MXRA5: variants seen among roughly 807,000 people sequenced by gnomAD.
The protein encoded by MXRA5 is matrix remodeling associated 5, also known as matrix-remodeling-associated protein 5.
A neutral mutation model predicts 112.5 loss-of-function variants in MXRA5; 41 were observed. The ratio of observed to expected loss-of-function variants is 0.36; its 90% CI spans 0.28 to 0.47. The LOEUF (loss-of-function observed/expected upper bound fraction) is 0.47. Ranked by LOEUF, MXRA5 falls within the 20% of genes least tolerant of loss-of-function variation. The pLI, the probability that MXRA5 is intolerant of heterozygous loss-of-function variation, is 0.99. For synonymous variants in MXRA5, 862 were observed against 900.8 expected (o/e 0.96, Z 0.77); for missense variants, 2,150 against 2,251.0 (o/e 0.96, Z 0.91).
chrX:3,308,720 G>A lies in MXRA5; in HGVS notation c.*996C>T, dbSNP rs1920961917. 8.9e-6 allele frequency: 1 copy of A among 111,799 alleles called. No homozygotes were observed. The highest frequency in any genetic ancestry group is 9.5e-5 in the Admixed American group (1 of 10,516). 9.2% of individuals were successfully genotyped at this position (111,799 alleles called of 1,213,427 possible). On this transcript the variant is annotated 3_prime_UTR_variant, in exon 7 of 7. Coordinates refer to ENST00000217939, the MANE Select transcript of MXRA5 (RefSeq NM_015419.4). Reference sequence around the variant, plus strand: ...CAGCCACCTTAGACCAGATGGACAAGCCAGATACTGCAGAGAAGTTTCTGG... The same window carrying A: ...CAGCCACCTTAGACCAGATGGACAAACCAGATACTGCAGAGAAGTTTCTGG...
chrX:3,311,343 G>T lies in MXRA5; in HGVS notation c.6860C>A (p.Ser2287Tyr). ...ACCGCTGTCATCCGACTGCATGAAG[G>T]AGTTCACCAGACTCCCGTCTGGGAG... ...WSLPDGSLVNSFMQSDDSGGR... is the reference protein window; with the variant it reads ...WSLPDGSLVNYFMQSDDSGGR... The change falls in exon 7 of 7, where the codon TCC (serine) becomes TAC (tyrosine). Residue 2287 changes from serine to tyrosine, a missense_variant. Ser to Tyr is a moderately radical substitution (Grantham distance 144, BLOSUM62 -2). Coordinates refer to ENST00000217939, the MANE Select transcript of MXRA5 (RefSeq NM_015419.4). 8.3e-7 allele frequency: 1 copy of T among 1,210,304 alleles called. No individual in the cohort carries two copies. The highest frequency in any genetic ancestry group is 1.1e-6 in the Non-Finnish European group (1 of 895,334).
In MXRA5 at chrX:3,323,736, C is replaced by A. The variant is rs868382462; in HGVS notation, c.1949G>T (p.Arg650Ile). The A allele has an allele frequency of 2.5e-6, 3 of 1,211,833 alleles. No homozygotes were observed. The Admixed American group carries it at 6.5e-5, about 26-fold the overall frequency. The change falls in exon 5 of 7, where the codon AGA becomes ATA. Residue 650 changes from arginine to isoleucine, a missense_variant. Transcript: ENST00000217939. ...KVQVSDSGYY[R>I]CVAVNQQGAD... is the part of the protein sequence containing the mutation. ...CCCTTGCTGGTTGACAGCCACACAT[C>A]TGTAGTAACCACTGTCACTGACTTG...
In MXRA5 at chrX:3,335,034, C is replaced by T. The variant is rs1464103182; in HGVS notation, c.189-4261G>A. ...ACTGTGTATTCTTGGATGCATTCAG[C>T]GTCGTTCAGAGTCTCCTCTCCTCTA... is the stretch of plus-strand genomic sequence containing the variant. On this transcript the variant is annotated intron_variant, in intron 2 of 6. Transcript: ENST00000217939. 2.7e-5 allele frequency among the ~76,000 whole-genome samples: 3 copies of T among 111,461 alleles called. No homozygotes were observed. The South Asian group carries it at 1.1e-3, about 43-fold the overall frequency.
intron 2 of MXRA5, among the ~76,000 whole-genome samples, chrX:3,331,908 A>T (rs183831218): frequency 1.7e-3 from 191 of 112,301 alleles, no homozygotes; most frequent in Non-Finnish European, 2.6e-3. Context: ...TTCTGCTGAG[A>T]CATAACACAT....
rs367874892 is a variant in MXRA5 at position 3,330,107 on chromosome X, G to A, written c.620C>T (p.Pro207Leu). ...TLPASMLRNM[P>L]LLENLYLQGN... ...CTGCAAGTAAAGATTCTCCAGAAGC[G>A]GCATGTTCCGAAGCATGCTGGCAGG... Residue 207 changes from proline (P) to leucine (L), a missense_variant, in exon 4 of 7, where the codon CCG becomes CTG. This residue lies in a region of MXRA5 where 386 missense variants were observed against 411.0 expected (regional missense o/e 0.94). Transcript: ENST00000217939. 14 of 1,209,516 alleles carry A rather than the reference G, an allele frequency of 1.2e-5. No individual in the cohort carries two copies. In the South Asian group the frequency reaches 1.4e-4, roughly 12 times the overall value.
chrX:3,313,163 C>T (rs1273142287), intron 6 of MXRA5, among the ~76,000 whole-genome samples: 1 of 112,641 alleles, frequency 8.9e-6, no homozygotes, highest in African/African-American at 3.2e-5. Context: ...TGACCCCTAG[C>T]CCAGTTGTCA....
chrX:3,335,711 T>C (rs1281872899), intron 2 of MXRA5, among the ~76,000 whole-genome samples: 4 of 112,238 alleles, frequency 3.6e-5, no homozygotes, highest in Admixed American at 9.4e-5. Flanking sequence ...TAAATGTACA[T>C]TTCAGAAATG....
intron 2 of MXRA5, among the ~76,000 whole-genome samples, chrX:3,335,909 C>G (rs1179115805): frequency 1.8e-5 from 2 of 112,330 alleles, no homozygotes; most frequent in African/African-American, 6.5e-5. Context: ...AGAAGCCCTA[C>G]AGGTCACGTA....
At chrX:3,315,385 G>A (rs1236185400) in intron 6 of MXRA5, among the ~76,000 whole-genome samples, 4 of 38,135 alleles carry the variant, frequency 1.0e-4, no homozygotes, top group African/African-American at 7.2e-4. Context: ...TAGATAGATA[G>A]ATAGATGATA....
At chrX:3,341,185 A>AT (rs1370311966) in intron 2 of MXRA5, among the ~76,000 whole-genome samples, 1 of 14,196 alleles carries the variant, frequency 7.0e-5, no homozygotes, top group Non-Finnish European at 1.9e-4. Flanking sequence ...AATATATATA[A>AT]TATATAATTA....
chrX:3,329,308 G>T (rs111213477), intron 4 of MXRA5, among the ~76,000 whole-genome samples: 8 of 36,116 alleles, frequency 2.2e-4, no homozygotes, highest in East Asian at 6.6e-4. Flanking sequence ...AAGGAAGGAA[G>T]GAAGGAAAAA....
In MXRA5 at chrX:3,310,125, T is replaced by C. The variant is rs760373422; in HGVS notation, c.8078A>G (p.Asn2693Ser). 7 of 1,211,531 alleles carry C rather than the reference T, an allele frequency of 5.8e-6. No homozygotes were observed. Among genetic ancestry groups the C allele is most frequent in the South Asian group, 3.5e-5 (2 of 56,960 alleles). Residue 2693 changes from asparagine (N) to serine (S), a missense_variant, in exon 7 of 7, where the codon AAT (asparagine) becomes AGT (serine). This residue lies in a region of MXRA5 where 178 missense variants were observed against 198.2 expected (regional missense o/e 0.90). Transcript: ENST00000217939. ...QTLGRVSLLDNGTLTVREASV... is the reference protein window; with the variant it reads ...QTLGRVSLLDSGTLTVREASV... ...GGCCTCACGAACCGTGAGGGTGCCATTGTCCAGAAGAGAAACGCGTCCCAG... is the reference window on the plus strand; with the variant it reads ...GGCCTCACGAACCGTGAGGGTGCCACTGTCCAGAAGAGAAACGCGTCCCAG...
rs946159288 is a variant in MXRA5 at position 3,339,503 on chromosome X, T to G, written c.188+4143A>C. Among the ~76,000 whole-genome samples, 12 of 110,770 alleles carry G rather than the reference T, an allele frequency of 1.1e-4. 1 individual carries two copies. The highest frequency in any genetic ancestry group is 8.7e-4 in the Admixed American group (9 of 10,328). ...GGATGGTCTCGATCTCCTGACCTCG[T>G]GATCCACCCGCCTCAGCCTCCCAAA... On this transcript the variant is annotated intron_variant, in intron 2 of 6. Coordinates refer to ENST00000217939, the MANE Select transcript of MXRA5 (RefSeq NM_015419.4).
intron 4 of MXRA5, among the ~76,000 whole-genome samples, chrX:3,328,006 G>A (rs1180151039): frequency 1.8e-5 from 2 of 112,552 alleles, no homozygotes; most frequent in Non-Finnish European, 3.8e-5. Flanking sequence ...AGTTTTGTGG[G>A]TCCACATCCA....
At position 3,320,673 on chromosome X, in the gene MXRA5, G is replaced by A. The variant is rs751478479; in HGVS notation, c.5012C>T (p.Thr1671Ile). Residue 1671 changes from threonine to isoleucine, a missense_variant, in exon 5 of 7, where the codon ACA (threonine) becomes ATA (isoleucine). By Grantham distance (89) the Thr-to-Ile change is moderately conservative (BLOSUM62 -1). Coordinates refer to ENST00000217939, the MANE Select transcript of MXRA5 (RefSeq NM_015419.4). ...GGACATGTGCAATGGGAGAGGAATT[G>A]TTGTACTTGATAATCTTGGAGTTGT... Reference protein sequence around the residue: ...QFTTPRLSSTTIPLPLHMSKP... With the variant: ...QFTTPRLSSTIIPLPLHMSKP... The A allele has an allele frequency of 8.3e-7, 1 of 1,211,917 alleles. No individual in the cohort carries two copies. Among genetic ancestry groups the A allele is most frequent in the Admixed American group, 2.2e-5 (1 of 46,104 alleles).
At position 3,324,796 on chromosome X, in the gene MXRA5, C is replaced by T. The variant is rs1175581595; in HGVS notation, c.889G>A (p.Glu297Lys). The change falls in exon 5 of 7, where the codon GAA becomes AAA. Residue 297 changes from glutamate (E) to lysine (K), a missense_variant. Glu to Lys is a moderately conservative substitution (Grantham distance 56, BLOSUM62 1). Transcript: ENST00000217939. ...TGGCTGCCACCATCCTCTTCCTGTT[C>T]TTGCTCCTCCTCAATACTCCTGCTC... ...NRSRSIEEEQ[E>K]QEEDGGSQLI... 1 of 1,208,864 alleles carries T rather than the reference C, an allele frequency of 8.3e-7. No homozygotes were observed. Among genetic ancestry groups the T allele is most frequent in the African/African-American group, 1.8e-5 (1 of 56,989 alleles).
intron 6 of MXRA5, 51 bp downstream of exon 6, chrX:3,317,051 CG>C: frequency 9.3e-7 from 1 of 1,075,696 alleles, no homozygotes; most frequent in Non-Finnish European, 1.2e-6. Flanking sequence ...GACTCATATT[CG>C]TTGGGGCCAC....
rs1369240927 is a variant in MXRA5 at position 3,321,824 on chromosome X, C to T, written c.3861G>A (p.Glu1287=). 8.3e-7 allele frequency: 1 copy of T among 1,210,763 alleles called. No homozygotes were observed. Among genetic ancestry groups the T allele is most frequent in the Non-Finnish European group, 1.1e-6 (1 of 894,828 alleles). ...TGTAATCTAAGGAATCATAAGGGCCCTCAGTTTTCAGAGAAACAGTTCTAG... is the reference window on the plus strand; with the variant it reads ...TGTAATCTAAGGAATCATAAGGGCCTTCAGTTTTCAGAGAAACAGTTCTAG... ...LLPRTVSLKT[E]GPYDSLDYMT... Residue 1287 remains glutamate, a synonymous_variant, in exon 5 of 7, where the codon GAG becomes GAA. Transcript: ENST00000217939.
At position 3,322,185 on chromosome X, in the gene MXRA5, T is replaced by G; in HGVS notation, c.3500A>C (p.Lys1167Thr). Residue 1167 changes from lysine (K) to threonine (T), a missense_variant, in exon 5 of 7, where the codon AAG (lysine) becomes ACG (threonine). Transcript: ENST00000217939. Reference sequence around the variant, plus strand: ...GGCAAAAGTTGTGGGTGGGGTTTGCTTGTGCCGGTGGCGGAATTTGTTGGG... The same window carrying G: ...GGCAAAAGTTGTGGGTGGGGTTTGCGTGTGCCGGTGGCGGAATTTGTTGGG... ...LRPNKFRHRH[K>T]QTPPTTFAPS... 1 of 1,191,343 alleles carries G rather than the reference T, an allele frequency of 8.4e-7. No individual in the cohort carries two copies. Among genetic ancestry groups the G allele is most frequent in the Non-Finnish European group, 1.1e-6 (1 of 884,983 alleles).
Sources: gnomAD v4.1 joint callset for allele counts (sites outside exome capture counted in the v4.1 genomes callset) on GRCh38, gnomAD v4.1.1 for gene constraint, gnomAD v4.1.1 regional missense constraint, MANE v1.5 for transcripts, NCBI Gene and HGNC (gene_info 2026-07-23, HGNC 2026-07-21) for gene names.